The following CELF2 variants were observed in gnomAD, a reference collection of about 807,000 sequenced individuals.
The protein encoded by CELF2 is CUGBP Elav-like family member 2, also known as CUG triplet repeat RNA-binding protein 2.
CELF2 carries 8 observed loss-of-function variants against 62.6 expected under a neutral mutation model. The observed-to-expected ratio is 0.13, with a 90% CI of 0.07 to 0.23. The LOEUF (loss-of-function observed/expected upper bound fraction) is 0.23. Ranked by LOEUF, CELF2 falls within the 10% of genes least tolerant of loss-of-function variation. The pLI is 1.00. For synonymous variants in CELF2, 258 were observed against 250.0 expected (o/e 1.03, Z -0.30); for missense variants, 333 against 671.0 (o/e 0.50, Z 5.56).
the CELF2 span, among the ~76,000 whole-genome samples, chr10:10,600,162 G>A: frequency 6.6e-6 from 1 of 152,268 alleles, no homozygotes; most frequent in Admixed American, 6.5e-5. Flanking sequence ...GGAAAGTGCA[G>A]AGAAATTCAT....
In CELF2 at chr10:11,039,376, T is replaced by G. The variant is rs2061455612; in HGVS notation, c.74+21213T>G. On this transcript the variant is annotated intron_variant, in intron 1 of 12. Coordinates refer to ENST00000633077, the MANE Select transcript of CELF2 (RefSeq NM_001326342.2). The surrounding 1 kb of genome is among the most constrained non-coding windows in gnomAD (Gnocchi z 4.1). ...CTCAAATGTAGCCCATCAAAGCTATTAAATAACATAGTACTTTTTGGACTA... is the reference window on the plus strand; with the variant it reads ...CTCAAATGTAGCCCATCAAAGCTATGAAATAACATAGTACTTTTTGGACTA... Among the ~76,000 whole-genome samples, 1 of 152,230 alleles carries G rather than the reference T, an allele frequency of 6.6e-6. No homozygotes were observed. Among genetic ancestry groups the G allele is most frequent in the Non-Finnish European group, 1.5e-5 (1 of 68,034 alleles).
At chr10:10,641,111 A>C in the CELF2 span, among the ~76,000 whole-genome samples, 4 of 152,184 alleles carry the variant, frequency 2.6e-5, no homozygotes, top group Non-Finnish European at 5.9e-5. Context: ...GATAACTATG[A>C]AATTTCAACA....
chr10:11,035,464 C>T (rs1415417896), intron 1 of CELF2, among the ~76,000 whole-genome samples: 1 of 152,142 alleles, frequency 6.6e-6, no homozygotes, highest in Admixed American at 6.5e-5. Context: ...AGCTCAGATG[C>T]TTCAGATGAC....
chr10:10,612,849 T>G, the CELF2 span, among the ~76,000 whole-genome samples: 1 of 152,192 alleles, frequency 6.6e-6, no homozygotes, highest in Non-Finnish European at 1.5e-5. Flanking sequence ...GAAGCCTAGT[T>G]TTCTCCAAAT....
chr10:10,914,635 C>T (rs1197726494), intron 1 of CELF2, among the ~76,000 whole-genome samples: 1 of 152,042 alleles, frequency 6.6e-6, no homozygotes, highest in Non-Finnish European at 1.5e-5. Flanking sequence ...GATGATCACA[C>T]CAACGATGGT....
chr10:10,710,656 G>T, the CELF2 span, among the ~76,000 whole-genome samples: 1 of 151,812 alleles, frequency 6.6e-6, no homozygotes, highest in Non-Finnish European at 1.5e-5. Flanking sequence ...CTTTTAGAAT[G>T]ACTTTAAAAT....
chr10:10,919,288 A>C (rs1402599532), intron 1 of CELF2, among the ~76,000 whole-genome samples: 1 of 152,062 alleles, frequency 6.6e-6, no homozygotes, highest in Non-Finnish European at 1.5e-5. Context: ...AAAGAAAGAA[A>C]GAAAACGAAA....
rs1000643206 is a variant in CELF2 at position 11,246,013 on chromosome 10, G to A, written c.355-3140G>A. On this transcript the variant is annotated intron_variant, in intron 3 of 12. Coordinates refer to ENST00000633077, the MANE Select transcript of CELF2 (RefSeq NM_001326342.2). The surrounding 1 kb of genome is among the most constrained non-coding windows in gnomAD (Gnocchi z 4.6). ...CTTATTCCCTTCATACCTGTCAGCC[G>A]AGAGCACTGACTGCGTGATTTCCAG... Among the ~76,000 whole-genome samples the A allele has an allele frequency of 7.9e-5, 12 of 152,150 alleles. No individual in the cohort carries two copies. Among genetic ancestry groups the A allele is most frequent in the Admixed American group, 4.6e-4 (7 of 15,280 alleles).
chr10:10,523,346 T>C, the CELF2 span, among the ~76,000 whole-genome samples: 7 of 152,250 alleles, frequency 4.6e-5, no homozygotes, highest in Non-Finnish European at 1.0e-4. Context: ...TTCAGCTAAA[T>C]GTATTTAAAT....
chr10:10,577,604 G>A, the CELF2 span, among the ~76,000 whole-genome samples: 36 of 150,688 alleles, frequency 2.4e-4, no homozygotes, highest in Middle Eastern at 3.4e-3. Context: ...GTGAGAACAT[G>A]CGGTGTTTGT....
chr10:10,647,625 C>T, the CELF2 span, among the ~76,000 whole-genome samples: 2 of 152,184 alleles, frequency 1.3e-5, no homozygotes, highest in Non-Finnish European at 2.9e-5. Context: ...ACTTTTCTCA[C>T]TTTTCCTCTG....
chr10:10,524,542 C>A, the CELF2 span, among the ~76,000 whole-genome samples: 1 of 151,842 alleles, frequency 6.6e-6, no homozygotes, highest in South Asian at 2.1e-4. Context: ...GAAAGCATTC[C>A]ATGACCTTAA....
Position 11,119,864 on chromosome 10 carries a change from T to TCTCCCCCCCCC in CELF2, c.75-45621_75-45620insTCCCCCCCCCC, listed in dbSNP as rs1399108400. 3.7e-4 allele frequency among the ~76,000 whole-genome samples: 41 copies of TCTCCCCCCCCC among 112,076 alleles called. 1 individual carries two copies. Among genetic ancestry groups the TCTCCCCCCCCC allele is most frequent in the Non-Finnish European group, 5.0e-4 (26 of 51,660 alleles). The allele number at this position is 112,076 out of a possible 152,430, so 73.5% of individuals were successfully genotyped here. On this transcript the variant is annotated intron_variant, in intron 1 of 12. Transcript: ENST00000633077. The stretch of plus-strand genomic sequence containing the variant: ...ATTTGCCTGGCTGCTTGATTCCGCC[T>TCTCCCCCCCCC]CCCCCCCCCCGGCCCCCGCTTTTTT...
chr10:10,735,805 C>T, the CELF2 span, among the ~76,000 whole-genome samples: 1 of 152,176 alleles, frequency 6.6e-6, no homozygotes, highest in African/African-American at 2.4e-5. Flanking sequence ...TTCCCCCTCA[C>T]CCTTCCTAGA....
intron 1 of CELF2, among the ~76,000 whole-genome samples, chr10:11,061,207 A>G (rs1446180225): frequency 6.6e-6 from 1 of 152,246 alleles, no homozygotes; most frequent in African/African-American, 2.4e-5. Context: ...ACAAGTGATA[A>G]AGTGAAATAG....
chr10:10,634,666 C>T, the CELF2 span, among the ~76,000 whole-genome samples: 2 of 140,990 alleles, frequency 1.4e-5, no homozygotes, highest in Non-Finnish European at 1.5e-5. Context: ...CTTTTCTTTT[C>T]TTTTTTTTTT....
chr10:11,030,363 C>T (rs1194617359), intron 1 of CELF2: 1 of 152,200 alleles, frequency 6.6e-6, no homozygotes, highest in East Asian at 1.9e-4. Flanking sequence ...ACTGAAAACT[C>T]GAAAATGTAC....
chr10:10,563,040 G>A, the CELF2 span, among the ~76,000 whole-genome samples: 1 of 152,108 alleles, frequency 6.6e-6, no homozygotes, highest in African/African-American at 2.4e-5. Flanking sequence ...TCTGGAGAAT[G>A]ACATGGTTGC....
intron 1 of CELF2, among the ~76,000 whole-genome samples, chr10:10,913,883 G>GAAGGAAGC (rs1243887148): frequency 8.3e-6 from 1 of 120,484 alleles, no homozygotes; most frequent in African/African-American, 3.2e-5. Flanking sequence ...AGGAAGGAAG[G>GAAGGAAGC]AAGAAGGAAG....
Sources: allele counts gnomAD v4.1 joint callset (sites outside exome capture counted in the v4.1 genomes callset), GRCh38; gene constraint gnomAD v4.1.1; non-coding constraint Gnocchi (gnomAD v3.1); transcripts MANE v1.5; gene names NCBI Gene and HGNC (gene_info 2026-07-23, HGNC 2026-07-21).